The following IL1RAPL1 variants were observed in gnomAD, a reference collection of about 807,000 sequenced individuals.
The protein encoded by IL1RAPL1 is interleukin 1 receptor accessory protein like 1.
A neutral mutation model predicts 48.4 loss-of-function variants in IL1RAPL1; 3 were observed. The observed-to-expected ratio is 0.06, with a 90% CI of 0.03 to 0.16. IL1RAPL1 has a LOEUF of 0.16. Ranked by LOEUF, IL1RAPL1 falls within the 10% of genes least tolerant of loss-of-function variation. The pLI is 1.00. For synonymous variants in IL1RAPL1, 185 were observed against 187.7 expected (o/e 0.99, Z 0.12); for missense variants, 349 against 530.6 (o/e 0.66, Z 3.36).
intron 2 of IL1RAPL1, among the ~76,000 whole-genome samples, chrX:28,829,497 G>A (rs1177332624): frequency 7.3e-5 from 8 of 109,752 alleles, no homozygotes; most frequent in African/African-American, 2.7e-4. Flanking sequence ...CCTTTATCAA[G>A]TTGAGGAAGT....
chrX:29,363,904 G>T (rs1004868402), intron 3 of IL1RAPL1, among the ~76,000 whole-genome samples: 4 of 111,370 alleles, frequency 3.6e-5, no homozygotes, highest in Non-Finnish European at 7.5e-5. Flanking sequence ...TGTGACATAA[G>T]ATTTGGGTGG....
chrX:29,917,029 T>C (rs1413655032), intron 6 of IL1RAPL1, among the ~76,000 whole-genome samples: 3 of 112,506 alleles, frequency 2.7e-5, no homozygotes, highest in Non-Finnish European at 5.6e-5. Context: ...AAAGATTTTC[T>C]ATCTCCCACA....
rs144097547 is a variant in IL1RAPL1, at chrX:28,603,601, A to G, written c.-25+15554A>G. Among the ~76,000 whole-genome samples, 1,042 of 112,002 alleles carry G rather than the reference A, an allele frequency of 9.3e-3. 10 individuals carry two copies. Among genetic ancestry groups the G allele is most frequent in the African/African-American group, 0.032 (980 of 30,829 alleles). Reference sequence around the variant, plus strand: ...ACCTCATTTATCTGGTTCACCACATATCTTTGGTGCCCAGGAGAGTGCCTG... The same window carrying G: ...ACCTCATTTATCTGGTTCACCACATGTCTTTGGTGCCCAGGAGAGTGCCTG... On this transcript the variant is annotated intron_variant, in intron 1 of 10. Transcript: ENST00000378993.
chrX:29,148,108 T>C (rs775603957), intron 2 of IL1RAPL1, among the ~76,000 whole-genome samples: 178 of 112,189 alleles, frequency 1.6e-3, no homozygotes, highest in Non-Finnish European at 1.6e-3. Context: ...TATGCATATA[T>C]TGTATGTGTA....
chrX:29,190,352 T>C (rs1930329131), intron 2 of IL1RAPL1, among the ~76,000 whole-genome samples: 1 of 111,625 alleles, frequency 9.0e-6, no homozygotes, highest in African/African-American at 3.2e-5. Context: ...AAAGATTAAG[T>C]TTCATTGGTT....
chrX:29,216,432 C>T lies in IL1RAPL1; in HGVS notation c.83-66506C>T, dbSNP rs188872893. 7.8e-4 allele frequency among the ~76,000 whole-genome samples: 86 copies of T among 110,950 alleles called. No individual in the cohort carries two copies. The Admixed American group carries it at 8.1e-3, about 10-fold the overall frequency. On this transcript the variant is annotated intron_variant, in intron 2 of 10. Coordinates refer to ENST00000378993, the MANE Select transcript of IL1RAPL1 (RefSeq NM_014271.4). ...CTGGTCTCAAATTCCTGGACTCGAG[C>T]GATCCATTTGCCTTGGCCTCCAAAA... is the stretch of plus-strand genomic sequence containing the variant.
rs1302561448 is a variant in IL1RAPL1 at position 28,721,604 on chromosome X, T to C, written c.-24-67716T>C. Among the ~76,000 whole-genome samples the C allele has an allele frequency of 4.5e-5, 5 of 111,368 alleles. No individual in the cohort carries two copies. The Admixed American group carries it at 4.8e-4, about 11-fold the overall frequency. ...GCAGAAGCTCTTTAGTTTAATTAGA[T>C]CCCATTTGTCAATTTTGGCTTTTGT... is the stretch of plus-strand genomic sequence containing the variant. On this transcript the variant is annotated intron_variant, in intron 1 of 10. Coordinates refer to ENST00000378993, the MANE Select transcript of IL1RAPL1 (RefSeq NM_014271.4).
chrX:28,785,139 T>G, intron 1 of IL1RAPL1, among the ~76,000 whole-genome samples: 1 of 112,083 alleles, frequency 8.9e-6, no homozygotes, highest in Non-Finnish European at 1.9e-5. Context: ...GTCTTTTTTA[T>G]TTCGAGACAG....
At chrX:29,798,507 G>A (rs1005717420) in intron 6 of IL1RAPL1, among the ~76,000 whole-genome samples, 5 of 111,895 alleles carry the variant, frequency 4.5e-5, no homozygotes, top group African/African-American at 1.3e-4. Flanking sequence ...GCAGTGTAAT[G>A]TTCAAAACCA....
chrX:29,236,424 A>G (rs1931294194), intron 2 of IL1RAPL1, among the ~76,000 whole-genome samples: 1 of 110,560 alleles, frequency 9.0e-6, no homozygotes. Context: ...TGTGCTAGCC[A>G]TCACTGACTT....
chrX:28,657,487 T>TA (rs1569146641), intron 1 of IL1RAPL1, among the ~76,000 whole-genome samples: 1 of 112,415 alleles, frequency 8.9e-6, no homozygotes, highest in Non-Finnish European at 1.9e-5. Flanking sequence ...ATATTCCTGA[T>TA]AAAAAAGGTT....
intron 1 of IL1RAPL1, among the ~76,000 whole-genome samples, chrX:28,683,265 T>C (rs1392716428): frequency 1.8e-5 from 2 of 110,518 alleles, no homozygotes; most frequent in African/African-American, 6.6e-5. Flanking sequence ...GGTAAGTGAG[T>C]CTCATTATCC....
chrX:29,027,517 G>A (rs914379441), intron 2 of IL1RAPL1, among the ~76,000 whole-genome samples: 4 of 111,972 alleles, frequency 3.6e-5, no homozygotes, highest in African/African-American at 1.3e-4. Flanking sequence ...AGGTTTTTAT[G>A]AAGACCTAAA....
intron 1 of IL1RAPL1, among the ~76,000 whole-genome samples, chrX:28,761,080 CCTT>C (rs1489716433): frequency 3.9e-5 from 3 of 76,893 alleles, no homozygotes; most frequent in African/African-American, 1.0e-4. Context: ...GAGCGAGACT[CCTT>C]CTCAAAAAAA....
At chrX:29,617,941 T>C (rs1043498101) in intron 5 of IL1RAPL1, among the ~76,000 whole-genome samples, 1 of 111,756 alleles carries the variant, frequency 8.9e-6, no homozygotes, top group African/African-American at 3.3e-5. Flanking sequence ...TCAGCGGCAC[T>C]GCAAACTACA....
intron 1 of IL1RAPL1, among the ~76,000 whole-genome samples, chrX:28,728,415 C>T (rs1440040740): frequency 5.4e-5 from 6 of 111,622 alleles, no homozygotes; most frequent in Non-Finnish European, 1.1e-4. Flanking sequence ...TGCAGATAAC[C>T]GCTACTCACC....
At chrX:28,803,706 G>A (rs184686050) in intron 2 of IL1RAPL1, among the ~76,000 whole-genome samples, 1 of 111,540 alleles carries the variant, frequency 9.0e-6, no homozygotes, top group African/African-American at 3.2e-5. Flanking sequence ...TTGATTACGT[G>A]TGTTTCTTTT....
chrX:29,256,351 T>A (rs2147579507), intron 2 of IL1RAPL1, among the ~76,000 whole-genome samples: 1 of 111,617 alleles, frequency 9.0e-6, no homozygotes, highest in South Asian at 3.7e-4. Context: ...ACAACAACAA[T>A]GTAAAGGACA....
At chrX:28,822,129 A>G (rs892041157) in intron 2 of IL1RAPL1, among the ~76,000 whole-genome samples, 1 of 111,278 alleles carries the variant, frequency 9.0e-6, no homozygotes, top group East Asian at 2.8e-4. Context: ...TGTACATTCC[A>G]GAACTCTCCT....
Sources: gnomAD v4.1 joint callset for allele counts (sites outside exome capture counted in the v4.1 genomes callset) on GRCh38, gnomAD v4.1.1 for gene constraint, MANE v1.5 for transcripts, NCBI Gene and HGNC (gene_info 2026-07-23, HGNC 2026-07-21) for gene names.